ADGRB3: variants seen among roughly 807,000 people sequenced by gnomAD.
ADGRB3 encodes the protein brain-specific angiogenesis inhibitor 3.
ADGRB3 carries 37 observed loss-of-function variants against 193.4 expected under a neutral mutation model. The ratio of observed to expected loss-of-function variants is 0.19; its 90% CI spans 0.15 to 0.25. ADGRB3 has a LOEUF of 0.25. ADGRB3 is among the 10% of genes least tolerant of loss of function. The probability of loss-of-function intolerance (pLI) is 1.00; values close to 1 mark genes in which losing one functional copy is unlikely to be tolerated. For missense variants in ADGRB3, 1,637 were observed against 1,852.9 expected (o/e 0.88, Z 2.14); for synonymous variants, 690 against 644.2 (o/e 1.07, Z -1.08).
intron 3 of ADGRB3, among the ~76,000 whole-genome samples, chr6:68,826,336 A>G (rs1767843893): frequency 6.6e-6 from 1 of 152,082 alleles, no homozygotes; most frequent in Admixed American, 6.5e-5. Context: ...AAAGAATTGA[A>G]GAAGGTGACC....
chr6:68,858,487 G>C (rs1308889537), intron 3 of ADGRB3, among the ~76,000 whole-genome samples: 1 of 125,294 alleles, frequency 8.0e-6, no homozygotes, highest in African/African-American at 3.0e-5. Flanking sequence ...CCAGGTGACA[G>C]TGCAACACTC....
chr6:69,259,789 A>G (rs1372649442), intron 20 of ADGRB3, among the ~76,000 whole-genome samples: 3 of 152,078 alleles, frequency 2.0e-5, no homozygotes, highest in Non-Finnish European at 2.9e-5. Flanking sequence ...CATTTAATTC[A>G]ACAAATATGT....
intron 17 of ADGRB3, among the ~76,000 whole-genome samples, chr6:69,183,630 T>C (rs1764996458): frequency 6.6e-6 from 1 of 152,110 alleles, no homozygotes; most frequent in Non-Finnish European, 1.5e-5. Context: ...TCATTTTTTT[T>C]GAATCTTCAG....
At chr6:69,046,951 G>A (rs1004557111) in intron 13 of ADGRB3, among the ~76,000 whole-genome samples, 9 of 152,076 alleles carry the variant, frequency 5.9e-5, no homozygotes, top group Admixed American at 6.6e-5. Context: ...TCCACCTCCC[G>A]GGTTCACACC....
Position 69,185,836 on chromosome 6 carries a change from C to T in ADGRB3, c.2481-47454C>T, listed in dbSNP as rs544326476. 5.1e-3 allele frequency among the ~76,000 whole-genome samples: 775 copies of T among 152,144 alleles called. 11 individuals are homozygous for T. The highest frequency in any genetic ancestry group is 0.018 in the African/African-American group (739 of 41,524). On this transcript the variant is annotated intron_variant, in intron 17 of 31. Coordinates refer to ENST00000370598, the MANE Select transcript of ADGRB3 (RefSeq NM_001704.3). ...ATTCCCAAACATTAAATGACAGCTTCGCATAAGAATCTGGTATCTAATTCA... is the reference window on the plus strand; with the variant it reads ...ATTCCCAAACATTAAATGACAGCTTTGCATAAGAATCTGGTATCTAATTCA...
intron 3 of ADGRB3, among the ~76,000 whole-genome samples, chr6:68,813,566 C>CT (rs201511295): frequency 0.089 from 12,890 of 145,594 alleles, 715 homozygotes; most frequent in South Asian, 0.14. Flanking sequence ...TAATGGAATG[C>CT]TTTTTTTTTT....
intron 17 of ADGRB3, among the ~76,000 whole-genome samples, chr6:69,228,857 C>T (rs1481005991): frequency 2.6e-5 from 4 of 152,066 alleles, no homozygotes; most frequent in Non-Finnish European, 4.4e-5. Context: ...CACTCTGTGA[C>T]TTAAAACAAG....
intron 3 of ADGRB3, among the ~76,000 whole-genome samples, chr6:68,648,114 C>G (rs1332067546): frequency 6.6e-6 from 1 of 152,146 alleles, no homozygotes; most frequent in Non-Finnish European, 1.5e-5. Context: ...AATGACCTAG[C>G]TACACGGCTG....
chr6:68,939,369 T>C (rs1376228619), intron 5 of ADGRB3, among the ~76,000 whole-genome samples: 1 of 152,120 alleles, frequency 6.6e-6, no homozygotes, highest in Non-Finnish European at 1.5e-5. Context: ...CTCAAACCTT[T>C]TACCCTTACA....
chr6:69,336,871 T>G lies in ADGRB3; in HGVS notation c.3189-2045T>G, dbSNP rs567420394. On this transcript the variant is annotated intron_variant, in intron 24 of 31. Transcript: ENST00000370598. The stretch of plus-strand genomic sequence containing the variant: ...TGGTCACATAAACTAGGAAAAAACA[T>G]TACATGTCTCTAGGTAACTTATCTT... Among the ~76,000 whole-genome samples, 4 of 152,222 alleles carry G rather than the reference T, an allele frequency of 2.6e-5. No individual in the cohort carries two copies. In the South Asian group the frequency reaches 6.2e-4, roughly 24 times the overall value.
chr6:68,879,355 T>C (rs1353250374), intron 3 of ADGRB3, among the ~76,000 whole-genome samples: 1 of 151,512 alleles, frequency 6.6e-6, no homozygotes, highest in Non-Finnish European at 1.5e-5. Context: ...TAGCTGGGAC[T>C]GCAGGTGCCC....
At chr6:68,948,938 A>C (rs1300857111) in intron 6 of ADGRB3, among the ~76,000 whole-genome samples, 2 of 152,062 alleles carry the variant, frequency 1.3e-5, no homozygotes, top group African/African-American at 4.8e-5. Flanking sequence ...CTTAATTAAA[A>C]TATTTACTTG....
chr6:68,893,617 GAA>G (rs896515424), intron 3 of ADGRB3, among the ~76,000 whole-genome samples: 2 of 150,094 alleles, frequency 1.3e-5, no homozygotes, highest in Non-Finnish European at 3.0e-5. Flanking sequence ...GGAGGAAAGA[GAA>G]AAAAAGGACA....
intron 3 of ADGRB3, among the ~76,000 whole-genome samples, chr6:68,890,387 C>T (rs937760349): frequency 2.0e-5 from 3 of 152,172 alleles, no homozygotes; most frequent in Admixed American, 6.5e-5. Context: ...GGGACTACAA[C>T]GTGACTGAAG....
intron 9 of ADGRB3, 53 bp downstream of exon 9, chr6:68,974,917 G>A: frequency 1.4e-6 from 2 of 1,448,862 alleles, no homozygotes; most frequent in Middle Eastern, 3.5e-4. Flanking sequence ...TCCAAGAACA[G>A]CATGCAGTGT....
rs758724362 is a variant in ADGRB3 at position 68,639,123 on chromosome 6, A to C, written c.448A>C (p.Lys150Gln). The part of the protein sequence containing the change: ...GLQKKGEEDQ[K>Q]SFFEFLVLNK... Reference sequence around the variant, plus strand: ...ACAGAAAAAAGGGGAAGAAGATCAGAAATCTTTTTTTGAGTTTTTGGTATT... The same window carrying C: ...ACAGAAAAAAGGGGAAGAAGATCAGCAATCTTTTTTTGAGTTTTTGGTATT... Residue 150 changes from lysine (K) to glutamine (Q), a missense_variant, in exon 3 of 32, where the codon AAA becomes CAA. This residue lies in a region of ADGRB3 where 365 missense variants were observed against 409.8 expected (regional missense o/e 0.89). Transcript: ENST00000370598. The C allele has an allele frequency of 6.2e-7, 1 of 1,614,230 alleles. No homozygotes were observed. The highest frequency in any genetic ancestry group is 1.1e-5 in the South Asian group (1 of 91,092).
chr6:68,933,421 G>A (rs1395649616), intron 4 of ADGRB3, among the ~76,000 whole-genome samples: 5 of 152,060 alleles, frequency 3.3e-5, no homozygotes, highest in South Asian at 2.1e-4. Flanking sequence ...GTGAAACCCC[G>A]TCTCTACTAA....
At chr6:68,925,081 G>A (rs1336352988) in intron 3 of ADGRB3, among the ~76,000 whole-genome samples, 3 of 151,816 alleles carry the variant, frequency 2.0e-5, no homozygotes, top group Non-Finnish European at 4.4e-5. Context: ...CTGTAGAAAT[G>A]TTTTTGATTA....
intron 6 of ADGRB3, among the ~76,000 whole-genome samples, chr6:68,951,101 T>C (rs1767904309): frequency 6.6e-6 from 1 of 152,194 alleles, no homozygotes; most frequent in East Asian, 1.9e-4. Flanking sequence ...ACAGATATTT[T>C]ACATGTAAAA....
Sources: allele counts gnomAD v4.1 joint callset (sites outside exome capture counted in the v4.1 genomes callset), GRCh38; gene constraint gnomAD v4.1.1; regional missense constraint gnomAD v4.1.1; transcripts MANE v1.5; gene names NCBI Gene and HGNC (gene_info 2026-07-23, HGNC 2026-07-21).